The following MAP4 variants were observed in gnomAD, a reference collection of about 807,000 sequenced individuals.
MAP4 encodes the protein microtubule associated protein 4.
Under a neutral mutation model 170.2 loss-of-function variants are expected in MAP4, and 76 were observed. That is an observed-to-expected ratio of 0.45 (90% CI 0.37 to 0.54). The LOEUF (loss-of-function observed/expected upper bound fraction) is 0.54. MAP4 is among the 20% of genes least tolerant of loss of function. The pLI, the probability that MAP4 is intolerant of heterozygous loss-of-function variation, is 0.00. For synonymous variants in MAP4, 909 were observed against 994.5 expected, an observed-to-expected ratio of 0.91 and a Z score of 1.62; for missense variants, 2,506 against 2,748.0, an observed-to-expected ratio of 0.91 and a Z score of 1.97.
At chr3:48,059,997 ATC>A (rs1420123203) in intron 1 of MAP4, among the ~76,000 whole-genome samples, 1 of 151,896 alleles carries the variant, frequency 6.6e-6, no homozygotes, top group East Asian at 1.9e-4. Flanking sequence ...ACTTTTGAAC[ATC>A]TCTCTCTTAA....
At chr3:47,854,851 G>A (rs946083210) in intron 19 of MAP4, among the ~76,000 whole-genome samples, 10 of 151,906 alleles carry the variant, frequency 6.6e-5, no homozygotes, top group Non-Finnish European at 1.0e-4. Context: ...ACCCAGGAGC[G>A]GAGCCTGACA....
intron 1 of MAP4, among the ~76,000 whole-genome samples, chr3:48,084,344 G>C (rs960129230): frequency 6.7e-6 from 1 of 149,350 alleles, no homozygotes. Flanking sequence ...GCTGCAGTGA[G>C]CTATGATCTC....
At chr3:47,896,979 T>C (rs574893266) in intron 10 of MAP4, among the ~76,000 whole-genome samples, 1 of 152,152 alleles carries the variant, frequency 6.6e-6, no homozygotes, top group Admixed American at 6.5e-5. Flanking sequence ...AACAAAATGG[T>C]GTCCAGAGAA....
At chr3:48,066,903 C>A (rs1378188813) in intron 1 of MAP4, among the ~76,000 whole-genome samples, 2 of 129,522 alleles carry the variant, frequency 1.5e-5, no homozygotes. Context: ...AGCAGTGGTA[C>A]GATCTCGGCT....
At chr3:47,941,348 C>T (rs947301313) in intron 3 of MAP4, among the ~76,000 whole-genome samples, 3 of 151,748 alleles carry the variant, frequency 2.0e-5, no homozygotes, top group Non-Finnish European at 4.4e-5. Context: ...ATTCCTCCTC[C>T]TAACTACATA....
intron 8 of MAP4, among the ~76,000 whole-genome samples, chr3:47,913,310 A>G (rs915104904): frequency 6.6e-6 from 1 of 152,192 alleles, no homozygotes; most frequent in Non-Finnish European, 1.5e-5. Flanking sequence ...CAAGAATATT[A>G]TAATATGTAA....
At chr3:47,930,361 C>T (rs1362061898) in intron 3 of MAP4, among the ~76,000 whole-genome samples, 3 of 150,664 alleles carry the variant, frequency 2.0e-5, no homozygotes, top group East Asian at 2.0e-4. Flanking sequence ...AGGAGAATGG[C>T]GTGAACCCGG....
At chr3:47,873,137 G>A (rs541716803) in intron 12 of MAP4, among the ~76,000 whole-genome samples, 1 of 152,326 alleles carries the variant, frequency 6.6e-6, no homozygotes, top group South Asian at 2.1e-4. Flanking sequence ...GCACAGAGAC[G>A]ATGAGAAGAG....
In MAP4 at chr3:47,855,771, CCT is replaced by C. The variant is rs1336020850; in HGVS notation, c.6584-413_6584-412del. 6.6e-6 allele frequency among the ~76,000 whole-genome samples: 1 copy of C among 152,166 alleles called. No individual in the cohort carries two copies. Among genetic ancestry groups the C allele is most frequent in the Non-Finnish European group, 1.5e-5 (1 of 68,028 alleles). On this transcript the variant is annotated intron_variant, in intron 18 of 20. Transcript: ENST00000683076. This position sits in a 1 kb window ranked among gnomAD's most constrained non-coding sequence, Gnocchi z 5.1. Reference sequence around the variant, plus strand: ...AGCCTCACTGAATTCTCATGAATGCCCTGTCATCACGGCCACGGTCCCTGCTT... The same window carrying C: ...AGCCTCACTGAATTCTCATGAATGCCGTCATCACGGCCACGGTCCCTGCTT...
Position 47,909,847 on chromosome 3 carries a change from T to C in MAP4, c.4574A>G (p.His1525Arg). The change falls in exon 9 of 21, where the codon CAC becomes CGC. Residue 1525 changes from histidine (H) to arginine (R), a missense_variant. Transcript: ENST00000683076. ...AAGCTCAGCTTTATTCTTAAGAGAGTGATCTCCATGAATGTTAACTGTTTC... is the reference window on the plus strand; with the variant it reads ...AAGCTCAGCTTTATTCTTAAGAGAGCGATCTCCATGAATGTTAACTGTTTC... ...AIETVNIHGDHSLKNKAELAD... is the reference protein window; with the variant it reads ...AIETVNIHGDRSLKNKAELAD... The C allele has an allele frequency of 6.2e-7, 1 of 1,613,980 alleles. No homozygotes were observed. The highest frequency in any genetic ancestry group is 8.5e-7 in the Non-Finnish European group (1 of 1,179,874).
chr3:48,047,223 A>G (rs1579536509), intron 1 of MAP4, among the ~76,000 whole-genome samples: 1 of 152,124 alleles, frequency 6.6e-6, no homozygotes, highest in African/African-American at 2.4e-5. Flanking sequence ...TATTATCATC[A>G]TCGTCTGTAG....
At chr3:47,993,595 C>T (rs955978888) in intron 2 of MAP4, among the ~76,000 whole-genome samples, 1 of 152,116 alleles carries the variant, frequency 6.6e-6, no homozygotes, top group African/African-American at 2.4e-5. Context: ...GCAGAGCTTT[C>T]GATGTAAATT....
At chr3:48,025,936 T>TAATAAC (rs796434506) in intron 1 of MAP4, among the ~76,000 whole-genome samples, 93 of 147,530 alleles carry the variant, frequency 6.3e-4, no homozygotes, top group African/African-American at 2.1e-3. Flanking sequence ...ATAATAATAA[T>TAATAAC]AACAATAATA....
intron 2 of MAP4, among the ~76,000 whole-genome samples, chr3:47,983,285 T>C (rs957907052): frequency 6.6e-6 from 1 of 152,178 alleles, no homozygotes; most frequent in African/African-American, 2.4e-5. Context: ...CACACCTCAC[T>C]GTAACCTCAA....
At chr3:47,861,794 G>T (rs1033516704) in intron 17 of MAP4, among the ~76,000 whole-genome samples, 1 of 152,054 alleles carries the variant, frequency 6.6e-6, no homozygotes, top group Non-Finnish European at 1.5e-5. Context: ...AGAAGGCGGA[G>T]GTTGCAGTGA....
chr3:48,064,862 T>C (rs2100137600), intron 1 of MAP4, among the ~76,000 whole-genome samples: 1 of 152,072 alleles, frequency 6.6e-6, no homozygotes, highest in Non-Finnish European at 1.5e-5. Flanking sequence ...TCTGTGTATC[T>C]AAACATATCT....
chr3:47,981,264 T>C (rs574124646), intron 2 of MAP4, among the ~76,000 whole-genome samples: 46 of 152,088 alleles, frequency 3.0e-4, no homozygotes, highest in African/African-American at 1.1e-3. Context: ...TAGCTAAATA[T>C]AGATAAAGGC....
intron 3 of MAP4, among the ~76,000 whole-genome samples, chr3:47,962,485 C>A (rs141183926): frequency 3.6e-3 from 553 of 152,266 alleles, no homozygotes; most frequent in Non-Finnish European, 5.6e-3. Context: ...TTTGTTATTT[C>A]TTTGTGTACT....
chr3:47,934,901 C>G (rs1473295402), intron 3 of MAP4, among the ~76,000 whole-genome samples: 1 of 152,240 alleles, frequency 6.6e-6, no homozygotes, highest in Non-Finnish European at 1.5e-5. Flanking sequence ...ATGTCCTGCT[C>G]TCATGGAACT....
Sources: allele counts gnomAD v4.1 joint callset (sites outside exome capture counted in the v4.1 genomes callset), GRCh38; gene constraint gnomAD v4.1.1; non-coding constraint Gnocchi (gnomAD v3.1); transcripts MANE v1.5; gene names NCBI Gene and HGNC (gene_info 2026-07-23, HGNC 2026-07-21).